The following NF1 variants were observed in gnomAD, a reference collection of about 807,000 sequenced individuals.
The protein encoded by NF1 is neurofibromin 1, also known as neurofibromin.
A neutral mutation model predicts 325.7 loss-of-function variants in NF1; 122 were observed. That is an observed-to-expected ratio of 0.37 (90% CI 0.32 to 0.44). NF1 has a LOEUF of 0.44. Among genes scored for constraint, NF1 ranks in the 20% least tolerant of loss-of-function variants. The probability of loss-of-function intolerance (pLI) is 1.00; values close to 1 mark genes in which losing one functional copy is unlikely to be tolerated. For synonymous variants in NF1, 1,091 were observed against 1,186.0 expected (o/e 0.92, Z 1.65); for missense variants, 2,140 against 3,415.4 (o/e 0.63, Z 9.31).
chr17:31,238,064 CAGG>C (rs2067233288), intron 29 of NF1, among the ~76,000 whole-genome samples: 6 of 152,022 alleles, frequency 3.9e-5, no homozygotes, highest in African/African-American at 1.5e-4. Flanking sequence ...CACAGTTTAC[CAGG>C]AGAAGAAGCT....
intron 36 of NF1, chr17:31,272,092 A>C (rs567234606): frequency 2.0e-5 from 3 of 152,354 alleles, no homozygotes; most frequent in Admixed American, 6.5e-5. Context: ...GTTAATATTT[A>C]AACGTACACA....
At chr17:31,255,000 A>G (rs1300333961) in intron 31 of NF1, among the ~76,000 whole-genome samples, 1 of 152,212 alleles carries the variant, frequency 6.6e-6, no homozygotes, top group Non-Finnish European at 1.5e-5. Context: ...TGTATATGTC[A>G]TGGATTGGAA....
intron 51 of NF1, among the ~76,000 whole-genome samples, chr17:31,355,647 C>T (rs1041330887): frequency 2.6e-5 from 4 of 152,058 alleles, no homozygotes; most frequent in African/African-American, 2.4e-5. Flanking sequence ...CCCAGGAGTT[C>T]GAGACCAGCC....
intron 36 of NF1, chr17:31,296,296 C>A (rs1262350725): frequency 6.2e-7 from 1 of 1,614,008 alleles, no homozygotes; most frequent in East Asian, 2.2e-5. Context: ...GAAGGATGAA[C>A]AGGCAGAGAG....
intron 13 of NF1, among the ~76,000 whole-genome samples, chr17:31,215,298 A>G (rs754791748): frequency 3.3e-5 from 5 of 152,126 alleles, no homozygotes; most frequent in African/African-American, 9.7e-5. Flanking sequence ...AGTTATTGTC[A>G]TAACTACTCT....
At chr17:31,222,275 A>T in intron 15 of NF1, 1 of 1,052,956 alleles carries the variant, frequency 9.5e-7, no homozygotes, top group South Asian at 4.6e-5. Context: ...ATTTTGTAAC[A>T]ATACTGTTTT....
intron 1 of NF1, among the ~76,000 whole-genome samples, chr17:31,147,784 G>T (rs572996254): frequency 2.0e-4 from 31 of 152,304 alleles, no homozygotes; most frequent in African/African-American, 7.5e-4. Context: ...TCTCGAAGCT[G>T]CAAGGCTTTC....
intron 13 of NF1, among the ~76,000 whole-genome samples, chr17:31,217,248 T>C (rs183013053): frequency 1.3e-5 from 2 of 152,194 alleles, no homozygotes; most frequent in African/African-American, 2.4e-5. Context: ...GTCATTATAA[T>C]GGGGAAAAAT....
At chr17:31,201,216 CA>C (rs1163451083) in intron 10 of NF1, 57 bp downstream of exon 10, 2 of 1,601,682 alleles carry the variant, frequency 1.2e-6, no homozygotes, top group East Asian at 2.2e-5. Flanking sequence ...CCTTTATAAA[CA>C]AAAAGACTAT....
chr17:31,318,224 C>T lies in NF1; in HGVS notation c.4836-7596C>T, dbSNP rs933214889. 4.0e-6 allele frequency: 6 copies of T among 1,512,200 alleles called. No individual in the cohort carries two copies. In the African/African-American group the frequency reaches 8.4e-5, roughly 21 times the overall value. 93.7% of individuals were successfully genotyped at this position (1,512,200 alleles called of 1,614,324 possible). On this transcript the variant is annotated intron_variant, in intron 36 of 57. Transcript: ENST00000358273. Reference sequence around the variant, plus strand: ...CATGTCAAATTTTAGATAATCAGAACAACACTTTGGGATTAAATACCAACT... The same window carrying T: ...CATGTCAAATTTTAGATAATCAGAATAACACTTTGGGATTAAATACCAACT...
intron 30 of NF1, 113 bp downstream of exon 30, chr17:31,249,232 C>A: frequency 1.7e-6 from 2 of 1,205,232 alleles, no homozygotes; most frequent in South Asian, 2.4e-5. Context: ...AATACTGAGT[C>A]AGTTTGGATG....
chr17:31,186,187 G>A lies in NF1; in HGVS notation c.888+3522G>A, dbSNP rs113629304. Among the ~76,000 whole-genome samples, 1,149 of 152,198 alleles carry A rather than the reference G, an allele frequency of 7.5e-3. 21 individuals carry two copies. Among genetic ancestry groups the A allele is most frequent in the African/African-American group, 0.027 (1,102 of 41,520 alleles). On this transcript the variant is annotated intron_variant, in intron 8 of 57. Transcript: ENST00000358273. Reference sequence around the variant, plus strand: ...CACAAGTAAGTTACATGAGGAAGTGGCTCAAATGCCCATGGTCTCCACTCA... The same window carrying A: ...CACAAGTAAGTTACATGAGGAAGTGACTCAAATGCCCATGGTCTCCACTCA...
At chr17:31,270,477 G>T (rs937170370) in intron 36 of NF1, among the ~76,000 whole-genome samples, 1 of 152,108 alleles carries the variant, frequency 6.6e-6, no homozygotes. Flanking sequence ...GTACATTGTG[G>T]CATACACCTG....
chr17:31,363,436 CTTTTTTTT>C (rs5819928), intron 57 of NF1, among the ~76,000 whole-genome samples: 4 of 112,464 alleles, frequency 3.6e-5, no homozygotes, highest in African/African-American at 6.3e-5. Context: ...TTATCTCTCT[CTTTTTTTT>C]TTTTTTTTTT....
intron 48 of NF1, among the ~76,000 whole-genome samples, chr17:31,343,956 T>TAA (rs35923147): frequency 6.3e-5 from 8 of 126,382 alleles, no homozygotes; most frequent in Non-Finnish European, 6.9e-5. Context: ...ACCCTGCCTT[T>TAA]AAAAAAAAAA....
intron 52 of NF1, 149 bp downstream of exon 52, chr17:31,356,731 GAC>G: frequency 8.0e-7 from 1 of 1,245,456 alleles, no homozygotes; most frequent in Non-Finnish European, 1.1e-6. Context: ...TACCATTCAA[GAC>G]AGTTATCTTG....
intron 29 of NF1, 142 bp from the exon 30 acceptor site, chr17:31,248,842 T>A: frequency 1.7e-5 from 13 of 769,256 alleles, no homozygotes; most frequent in Admixed American, 2.9e-5. Flanking sequence ...TTTTTTTTTT[T>A]TATAGTTGGT....
At chr17:31,186,474 A>G (rs1436421160) in intron 8 of NF1, among the ~76,000 whole-genome samples, 1 of 152,172 alleles carries the variant, frequency 6.6e-6, no homozygotes, top group Non-Finnish European at 1.5e-5. Flanking sequence ...GGAAGGAGAA[A>G]TGGCCAGATG....
At chr17:31,211,857 C>T (rs1449762986) in intron 12 of NF1, among the ~76,000 whole-genome samples, 3 of 152,192 alleles carry the variant, frequency 2.0e-5, no homozygotes, top group Non-Finnish European at 2.9e-5. Flanking sequence ...CATTACACTA[C>T]TGTAGACTTA....
Sources: gnomAD v4.1 joint callset for allele counts (sites outside exome capture counted in the v4.1 genomes callset) on GRCh38, gnomAD v4.1.1 for gene constraint, MANE v1.5 for transcripts, NCBI Gene and HGNC (gene_info 2026-07-23, HGNC 2026-07-21) for gene names.